The following PDE7B variants were observed in gnomAD, a reference collection of about 807,000 sequenced individuals.
The protein encoded by PDE7B is 3',5'-cyclic-AMP phosphodiesterase 7B.
A neutral mutation model predicts 56.2 loss-of-function variants in PDE7B; 29 were observed. The ratio of observed to expected loss-of-function variants is 0.52; its 90% confidence interval spans 0.38 to 0.70. The LOEUF (loss-of-function observed/expected upper bound fraction) is 0.70, where lower values mean the gene tolerates loss of function less well. Ranked by LOEUF, PDE7B falls within the 30% of genes least tolerant of loss-of-function variation. The pLI is 0.00. For synonymous variants in PDE7B, 197 were observed against 196.9 expected (o/e 1.00, Z 0.00); for missense variants, 490 against 565.0 (o/e 0.87, Z 1.35).
intron 3 of PDE7B, among the ~76,000 whole-genome samples, chr6:136,136,715 T>TA (rs1428740086): frequency 8.2e-6 from 1 of 122,534 alleles, no homozygotes; most frequent in Non-Finnish European, 1.8e-5. Flanking sequence ...CCACAAAAAT[T>TA]AAAAATAAAA....
chr6:135,932,301 G>A (rs1472467889), intron 1 of PDE7B, among the ~76,000 whole-genome samples: 2 of 152,078 alleles, frequency 1.3e-5, no homozygotes, highest in African/African-American at 4.8e-5. Flanking sequence ...ATAACTTAAA[G>A]AGTGTAATTG....
At chr6:135,958,685 T>C (rs1271347895) in intron 2 of PDE7B, among the ~76,000 whole-genome samples, 1 of 152,170 alleles carries the variant, frequency 6.6e-6, no homozygotes, top group Non-Finnish European at 1.5e-5. Context: ...CTTGTTCTCA[T>C]TATATCAATT....
At chr6:136,103,657 T>A (rs1777600848) in intron 2 of PDE7B, among the ~76,000 whole-genome samples, 1 of 152,216 alleles carries the variant, frequency 6.6e-6, no homozygotes, top group African/African-American at 2.4e-5. Context: ...GCTTCACCTT[T>A]CTGATACCAG....
intron 2 of PDE7B, among the ~76,000 whole-genome samples, chr6:136,030,222 A>C (rs1245488426): frequency 6.6e-6 from 1 of 152,210 alleles, no homozygotes; most frequent in Admixed American, 6.5e-5. Context: ...ATTTATTCTA[A>C]GCGTTCTTGT....
chr6:135,875,142 A>C (rs1307190827), intron 1 of PDE7B, among the ~76,000 whole-genome samples: 4 of 152,056 alleles, frequency 2.6e-5, no homozygotes, highest in Non-Finnish European at 4.4e-5. Context: ...TTTTTAAAAC[A>C]ATATATAACT....
chr6:136,178,790 T>C (rs1779018981), intron 9 of PDE7B, among the ~76,000 whole-genome samples: 1 of 152,232 alleles, frequency 6.6e-6, no homozygotes, highest in Non-Finnish European at 1.5e-5. Flanking sequence ...AATCACTTTA[T>C]ACAGTTCTTG....
chr6:136,161,533 A>G (rs1778703953), intron 8 of PDE7B, among the ~76,000 whole-genome samples: 1 of 152,212 alleles, frequency 6.6e-6, no homozygotes, highest in African/African-American at 2.4e-5. Context: ...GGAATTGACA[A>G]ATGCAAGCTG....
chr6:136,031,344 G>A (rs1215334422), intron 2 of PDE7B, among the ~76,000 whole-genome samples: 1 of 152,164 alleles, frequency 6.6e-6, no homozygotes, highest in Non-Finnish European at 1.5e-5. Context: ...CATTTTAATG[G>A]AATCCCCAGG....
intron 2 of PDE7B, among the ~76,000 whole-genome samples, chr6:135,980,266 C>A (rs1775271768): frequency 6.6e-6 from 1 of 152,152 alleles, no homozygotes; most frequent in Non-Finnish European, 1.5e-5. Context: ...GGATCCCTTC[C>A]TTACACCTTA....
At chr6:136,033,817 T>C (rs1030444739) in intron 2 of PDE7B, among the ~76,000 whole-genome samples, 1 of 152,156 alleles carries the variant, frequency 6.6e-6, no homozygotes, top group African/African-American at 2.4e-5. Flanking sequence ...GACCTGTTTT[T>C]ACTTCCCTGC....
intron 2 of PDE7B, among the ~76,000 whole-genome samples, chr6:136,096,946 C>T (rs1777480001): frequency 6.6e-6 from 1 of 152,270 alleles, no homozygotes; most frequent in African/African-American, 2.4e-5. Flanking sequence ...ATCACCATTT[C>T]AGTTGTGCTT....
chr6:136,024,864 C>A (rs1241119834), intron 2 of PDE7B, among the ~76,000 whole-genome samples: 1 of 152,078 alleles, frequency 6.6e-6, no homozygotes, highest in Non-Finnish European at 1.5e-5. Flanking sequence ...GAGGTTTGAC[C>A]AACAGGTTAG....
intron 1 of PDE7B, among the ~76,000 whole-genome samples, chr6:135,885,934 GT>G (rs1408103916): frequency 6.6e-6 from 1 of 152,164 alleles, no homozygotes; most frequent in Non-Finnish European, 1.5e-5. Flanking sequence ...TTTTGATCAT[GT>G]GTAAAAACTT....
intron 1 of PDE7B, among the ~76,000 whole-genome samples, chr6:135,888,983 T>C (rs1174877369): frequency 6.6e-6 from 1 of 152,208 alleles, no homozygotes; most frequent in African/African-American, 2.4e-5. Flanking sequence ...CTAGTCTAGA[T>C]GATTTTCCCA....
chr6:136,102,518 C>T (rs905996918), intron 2 of PDE7B, among the ~76,000 whole-genome samples: 20 of 152,192 alleles, frequency 1.3e-4, no homozygotes, highest in African/African-American at 2.4e-5. Context: ...TTACTGAAGG[C>T]AGACCCAGAT....
intron 2 of PDE7B, among the ~76,000 whole-genome samples, chr6:136,092,897 G>A (rs541539252): frequency 6.6e-6 from 1 of 152,196 alleles, no homozygotes; most frequent in Admixed American, 6.5e-5. Context: ...ATGAGGTACT[G>A]TATACTTGAA....
At chr6:135,906,004 G>A (rs954414362) in intron 1 of PDE7B, among the ~76,000 whole-genome samples, 2 of 152,022 alleles carry the variant, frequency 1.3e-5, no homozygotes, top group African/African-American at 2.4e-5. Context: ...CCACATGTTC[G>A]GAAAACTTCA....
At chr6:136,149,064 C>T in intron 4 of PDE7B, 23 bp from the exon 5 acceptor site, 1 of 1,569,152 alleles carries the variant, frequency 6.4e-7, no homozygotes, top group South Asian at 1.1e-5. Flanking sequence ...CATTTGCGTG[C>T]TGTTTTTTGT....
At chr6:135,968,294 A>G (rs1775033224) in intron 2 of PDE7B, among the ~76,000 whole-genome samples, 1 of 152,218 alleles carries the variant, frequency 6.6e-6, no homozygotes, top group African/African-American at 2.4e-5. Flanking sequence ...AACAGAAGCA[A>G]AAATTGACCA....
Sources: allele counts gnomAD v4.1 joint callset (sites outside exome capture counted in the v4.1 genomes callset), GRCh38; gene constraint gnomAD v4.1.1; transcripts MANE v1.5; gene names NCBI Gene and HGNC (gene_info 2026-07-23, HGNC 2026-07-21).